The following CLEC16A variants were observed in gnomAD, a reference collection of about 807,000 sequenced individuals.
The protein encoded by CLEC16A is protein CLEC16A.
A neutral mutation model predicts 109.5 loss-of-function variants in CLEC16A; 51 were observed. The ratio of observed to expected loss-of-function variants is 0.47; its 90% CI spans 0.37 to 0.59. The LOEUF is 0.59. Ranked by LOEUF, CLEC16A falls within the 20% of genes least tolerant of loss-of-function variation. The probability of loss-of-function intolerance (pLI) is 0.00; values close to 1 mark genes in which losing one functional copy is unlikely to be tolerated. For missense variants in CLEC16A, 1,339 were observed against 1,394.0 expected (o/e 0.96, Z 0.63); for synonymous variants, 673 against 564.2 (o/e 1.19, Z -2.73).
chr16:11,058,088 A>C (rs973345532), intron 18 of CLEC16A, among the ~76,000 whole-genome samples: 1 of 152,164 alleles, frequency 6.6e-6, no homozygotes, highest in African/African-American at 2.4e-5. Context: ...CAATGTGCCT[A>C]CCAGGCCCTT....
intron 19 of CLEC16A, among the ~76,000 whole-genome samples, chr16:11,070,232 A>G (rs1371058453): frequency 6.6e-6 from 1 of 152,044 alleles, no homozygotes; most frequent in Non-Finnish European, 1.5e-5. Context: ...CACCACGCCC[A>G]GCTAATTTTT....
chr16:11,067,070 G>A (rs2048799911), intron 19 of CLEC16A, among the ~76,000 whole-genome samples: 1 of 151,680 alleles, frequency 6.6e-6, no homozygotes, highest in Non-Finnish European at 1.5e-5. Flanking sequence ...TTCAGAACGA[G>A]GGTAGTCTTT....
intron 18 of CLEC16A, among the ~76,000 whole-genome samples, chr16:11,060,260 C>T (rs2048408523): frequency 6.6e-6 from 1 of 152,164 alleles, no homozygotes; most frequent in Non-Finnish European, 1.5e-5. Flanking sequence ...CTGCTAGGTG[C>T]GAGGTCTCTG....
intron 19 of CLEC16A, among the ~76,000 whole-genome samples, chr16:11,062,272 G>A (rs1244712665): frequency 6.6e-6 from 1 of 152,122 alleles, no homozygotes; most frequent in Non-Finnish European, 1.5e-5. Context: ...ACTCTCTGTA[G>A]CACTGTTGTT....
chr16:11,019,037 G>T (rs2045934102), intron 11 of CLEC16A, among the ~76,000 whole-genome samples: 1 of 152,204 alleles, frequency 6.6e-6, no homozygotes, highest in African/African-American at 2.4e-5. Flanking sequence ...CATGAGCCGG[G>T]GGGAGGGAGA....
chr16:11,070,293 A>G (rs1206698979), intron 19 of CLEC16A, among the ~76,000 whole-genome samples: 1 of 151,324 alleles, frequency 6.6e-6, no homozygotes, highest in Non-Finnish European at 1.5e-5. Flanking sequence ...GATGGTCACG[A>G]TCTCCTGACC....
chr16:11,009,542 G>C (rs755771931), intron 11 of CLEC16A, among the ~76,000 whole-genome samples: 1 of 152,210 alleles, frequency 6.6e-6, no homozygotes, highest in Non-Finnish European at 1.5e-5. Context: ...TGAGCTGTGG[G>C]ATGGTAATCA....
At position 11,179,440 on chromosome 16, in the gene CLEC16A, G is replaced by A. The variant is rs2068890015; in HGVS notation, c.*750G>A. The A allele has an allele frequency of 6.6e-6, 1 of 152,184 alleles. No individual in the cohort carries two copies. Among genetic ancestry groups the A allele is most frequent in the African/African-American group, 2.4e-5 (1 of 41,436 alleles). The allele number at this position is 152,184 out of a possible 1,614,324, so 9.4% of individuals were successfully genotyped here. A position where few individuals can be genotyped will look rare whatever the true frequency, so the allele number is the denominator to read the frequency against. ...ACAAGGGAGATACATGTATTCTCAG[G>A]TACACACAGAGCTGAGAGGGCTGAA... On this transcript the variant is annotated 3_prime_UTR_variant, in exon 24 of 24. Coordinates refer to ENST00000409790, the MANE Select transcript of CLEC16A (RefSeq NM_015226.3).
At chr16:11,084,955 C>T (rs886499921) in intron 19 of CLEC16A, among the ~76,000 whole-genome samples, 6 of 152,240 alleles carry the variant, frequency 3.9e-5, no homozygotes, top group South Asian at 4.1e-4. Context: ...GAATAACTCA[C>T]GGCCCATGAG....
rs186644015 is a variant in CLEC16A, at chr16:11,075,340, G to A, written c.2116+14318G>A. 3.3e-4 allele frequency among the ~76,000 whole-genome samples: 50 copies of A among 151,934 alleles called. No homozygotes were observed. The East Asian group carries it at 5.0e-3, about 15-fold the overall frequency. The stretch of plus-strand genomic sequence containing the variant: ...AGGGAGGGGCAGGGGTCCTGCTGGC[G>A]GTTGAGTCCCAGCCCAGCACTGTGA... On this transcript the variant is annotated intron_variant, in intron 19 of 23. Transcript: ENST00000409790.
intron 18 of CLEC16A, among the ~76,000 whole-genome samples, chr16:11,053,272 A>C (rs2048043097): frequency 6.6e-6 from 1 of 152,222 alleles, no homozygotes; most frequent in South Asian, 2.1e-4. Context: ...GTTATGAAGT[A>C]GATCAATTCA....
At chr16:11,047,198 G>A (rs768710916) in intron 16 of CLEC16A, 94 bp from the exon 17 acceptor site, 5 of 906,238 alleles carry the variant, frequency 5.5e-6, no homozygotes, top group Non-Finnish European at 8.0e-6. Context: ...GAAACAGATG[G>A]CCTCTAAAGC....
At chr16:11,165,177 G>C (rs558365728) in intron 22 of CLEC16A, among the ~76,000 whole-genome samples, 23 of 152,238 alleles carry the variant, frequency 1.5e-4, no homozygotes, top group African/African-American at 5.1e-4. Flanking sequence ...CCGGATAAAA[G>C]GGGCTTTGAT....
rs116269636 is a variant in CLEC16A at position 11,050,473 on chromosome 16, G to A, written c.1867-1040G>A. On this transcript the variant is annotated intron_variant, in intron 17 of 23. Transcript: ENST00000409790. Reference sequence around the variant, plus strand: ...TCTGAAAAGAGAAGACACAAGGAAAGCTTGTGATGTTTGAAAGAGTAAAAT... The same window carrying A: ...TCTGAAAAGAGAAGACACAAGGAAAACTTGTGATGTTTGAAAGAGTAAAAT... Among the ~76,000 whole-genome samples the A allele has an allele frequency of 1.4e-3, 209 of 152,332 alleles. 1 individual carries two copies. The highest frequency in any genetic ancestry group is 4.7e-3 in the African/African-American group (196 of 41,578).
chr16:11,086,967 G>A (rs941868249), intron 19 of CLEC16A, among the ~76,000 whole-genome samples: 5 of 152,182 alleles, frequency 3.3e-5, no homozygotes, highest in African/African-American at 9.7e-5. Context: ...GATGTTTGCC[G>A]TGTCAGAGAA....
chr16:11,065,384 C>T (rs771556686), intron 19 of CLEC16A, among the ~76,000 whole-genome samples: 1 of 152,254 alleles, frequency 6.6e-6, no homozygotes, highest in African/African-American at 2.4e-5. Context: ...ATAGCATGTG[C>T]TACATGTATC....
intron 10 of CLEC16A, among the ~76,000 whole-genome samples, chr16:10,984,270 A>T (rs1371087926): frequency 6.6e-6 from 1 of 152,072 alleles, no homozygotes; most frequent in African/African-American, 2.4e-5. Flanking sequence ...TCATTTTGTT[A>T]TTCAGGGGAG....
Position 10,962,948 on chromosome 16 carries a change from A to T in CLEC16A, c.343+360A>T, listed in dbSNP as rs139700193. Among the ~76,000 whole-genome samples the T allele has an allele frequency of 8.0e-3, 1,218 of 152,190 alleles. 22 individuals carry two copies. The highest frequency in any genetic ancestry group is 0.028 in the African/African-American group (1,165 of 41,522). ...GTGGTGTGCACATGTAGTCCCAGCT[A>T]CTCAGGAGGCTGAGGCAGGAAGATT... On this transcript the variant is annotated intron_variant, in intron 3 of 23. Coordinates refer to ENST00000409790, the MANE Select transcript of CLEC16A (RefSeq NM_015226.3).
chr16:10,966,316 G>A (rs375954309), intron 3 of CLEC16A, among the ~76,000 whole-genome samples: 2 of 152,214 alleles, frequency 1.3e-5, no homozygotes, highest in African/African-American at 2.4e-5. Context: ...GGAAGTGTGC[G>A]TACTGTCTGC....
Sources: gnomAD v4.1 joint callset for allele counts (sites outside exome capture counted in the v4.1 genomes callset) on GRCh38, gnomAD v4.1.1 for gene constraint, MANE v1.5 for transcripts, NCBI Gene and HGNC (gene_info 2026-07-23, HGNC 2026-07-21) for gene names.